Variants in RAI1 observed in about 807,000 individuals in gnomAD.
RAI1 encodes the protein retinoic acid-induced protein 1.
A neutral mutation model predicts 123.8 loss-of-function variants in RAI1; 9 were observed. The observed-to-expected ratio is 0.07, with a 90% CI of 0.04 to 0.13. The LOEUF is 0.13. Among genes scored for constraint, RAI1 ranks in the 10% least tolerant of loss-of-function variants. RAI1 has a pLI of 1.00. For synonymous variants in RAI1, 1,231 were observed against 1,127.3 expected (o/e 1.09, Z -1.84); for missense variants, 2,256 against 2,545.8 (o/e 0.89, Z 2.45).
chr17:17,725,631 AG>A (rs1373391441), intron 2 of RAI1, among the ~76,000 whole-genome samples: 1 of 152,042 alleles, frequency 6.6e-6, no homozygotes, highest in Non-Finnish European at 1.5e-5. Context: ...GAGGTGGAAG[AG>A]CGAAGGGCTA....
rs529273846 is a variant in RAI1, at chr17:17,801,312, C to A, written c.5566-2444C>A. ...TAGGTGGTGTCTGCAGAGGCCCCAC[C>A]TGTGGCAGGGTTTACATGCCGCCAC... On this transcript the variant is annotated intron_variant, in intron 3 of 5. Transcript: ENST00000353383. The surrounding 1 kb of genome is among the most constrained non-coding windows in gnomAD (Gnocchi z 4.1). 2.0e-5 allele frequency among the ~76,000 whole-genome samples: 3 copies of A among 152,258 alleles called. No homozygotes were observed. The highest frequency in any genetic ancestry group is 7.2e-5 in the African/African-American group (3 of 41,542).
Position 17,798,395 on chromosome 17 carries a change from G to C in RAI1, c.5447G>C (p.Gly1816Ala). ...ECSKEAPAEP[G>A]GEAQEHWVHE... ...AGCAAGGAGGCTCCGGCAGAGCCCG[G>C]CGGGGAGGCCCAGGAGCACTGGGTG... Residue 1816 changes from glycine (G) to alanine (A), a missense_variant, in exon 3 of 6, where the codon GGC becomes GCC. This residue lies in a region of RAI1 where 243 missense variants were observed against 316.6 expected (regional missense o/e 0.77). Coordinates refer to ENST00000353383, the MANE Select transcript of RAI1 (RefSeq NM_030665.4). 1 of 1,610,302 alleles carries C rather than the reference G, an allele frequency of 6.2e-7. No homozygotes were observed. Among genetic ancestry groups the C allele is most frequent in the Non-Finnish European group, 8.5e-7 (1 of 1,178,900 alleles).
intron 2 of RAI1, among the ~76,000 whole-genome samples, chr17:17,787,185 A>G (rs1028115275): frequency 6.6e-6 from 1 of 152,212 alleles, no homozygotes; most frequent in South Asian, 2.1e-4. Flanking sequence ...TGTGGGTCCC[A>G]TCTGACCCCT....
chr17:17,793,589 A>G lies in RAI1; in HGVS notation c.641A>G (p.Gln214Arg). The change falls in exon 3 of 6, where the codon CAG becomes CGG. Residue 214 changes from glutamine to arginine, a missense_variant. By Grantham distance (43) the Gln-to-Arg change is conservative (BLOSUM62 1). Coordinates refer to ENST00000353383, the MANE Select transcript of RAI1 (RefSeq NM_030665.4). ...GGTACCCACTTTCCTCAGCATTCCC[A>G]GTCCTTCCCCACCTCCTCCACCTAC... ...PQGTHFPQHS[Q>R]SFPTSSTYSS... is the part of the protein sequence containing the mutation. 1 of 1,613,538 alleles carries G rather than the reference A, an allele frequency of 6.2e-7. No individual in the cohort carries two copies. Among genetic ancestry groups the G allele is most frequent in the Non-Finnish European group, 8.5e-7 (1 of 1,179,904 alleles).
rs2032087603 is a variant in RAI1, at chr17:17,793,213, C to G, written c.265C>G (p.Gln89Glu). The G allele has an allele frequency of 1.9e-6, 3 of 1,612,288 alleles. No homozygotes were observed. The highest frequency in any genetic ancestry group is 1.7e-4 in the Middle Eastern group (1 of 6,046). ...AGGCAGCAAGGCCCTGCCCACACAG[C>G]AAGGCCTGCAGGGGAGGCCGGCTTT... ...HRGSKALPTQ[Q>E]GLQGRPAFPG... Residue 89 changes from glutamine to glutamate, a missense_variant, in exon 3 of 6, where the codon CAA (glutamine) becomes GAA (glutamate). Physicochemically the swap from Gln to Glu is conservative, Grantham distance 29 (BLOSUM62 2). Around this residue, in one of 7 missense-constraint regions of RAI1, gnomAD observed 336 missense variants for 349.8 expected, o/e 0.96. Coordinates refer to ENST00000353383, the MANE Select transcript of RAI1 (RefSeq NM_030665.4).
At chr17:17,775,313 C>T (rs928906296) in intron 2 of RAI1, among the ~76,000 whole-genome samples, 3 of 151,378 alleles carry the variant, frequency 2.0e-5, no homozygotes, top group African/African-American at 7.3e-5. Context: ...AGGTGATCCT[C>T]CCAGCTCAGC....
chr17:17,780,516 C>T (rs2031534310), intron 2 of RAI1, among the ~76,000 whole-genome samples: 1 of 152,228 alleles, frequency 6.6e-6, no homozygotes, highest in South Asian at 2.1e-4. Context: ...TCCCACCCCT[C>T]AGGGCCTAGG....
chr17:17,692,551 G>A (rs948349655), intron 1 of RAI1, among the ~76,000 whole-genome samples: 3 of 152,194 alleles, frequency 2.0e-5, no homozygotes, highest in African/African-American at 4.8e-5. Flanking sequence ...AATCACATCC[G>A]CAGGCTCCAA....
At chr17:17,767,271 G>A (rs1242789929) in intron 2 of RAI1, among the ~76,000 whole-genome samples, 1 of 152,200 alleles carries the variant, frequency 6.6e-6, no homozygotes, top group Non-Finnish European at 1.5e-5. Flanking sequence ...ATTGTGTTAT[G>A]CTCTGGATCT....
rs746701953 is a variant in RAI1 at position 17,795,401 on chromosome 17, TGAA to T, written c.2455_2457del (p.Lys819del). ...TTCAAGCAGGAGGAGGTGGGTGGGGTGAAGGAGGAGGCAGGTGGGCTGCTGCAG... is the reference window on the plus strand; with the variant it reads ...TTCAAGCAGGAGGAGGTGGGTGGGGTGGAGGAGGCAGGTGGGCTGCTGCAG... On this transcript the variant is annotated inframe_deletion, in exon 3 of 6. Transcript: ENST00000353383. This position sits in a 1 kb window ranked among gnomAD's most constrained non-coding sequence, Gnocchi z 5.9. The T allele has an allele frequency of 1.9e-6, 3 of 1,588,636 alleles. No homozygotes were observed. Among genetic ancestry groups the T allele is most frequent in the African/African-American group, 1.4e-5 (1 of 74,072 alleles).
At chr17:17,686,790 T>C (rs1383136445) in intron 1 of RAI1, among the ~76,000 whole-genome samples, 2 of 151,304 alleles carry the variant, frequency 1.3e-5, no homozygotes, top group African/African-American at 2.4e-5. Context: ...AGAGTGTGCT[T>C]AGGGCCAGGA....
chr17:17,759,135 C>G (rs1331919857), intron 2 of RAI1: 3 of 152,224 alleles, frequency 2.0e-5, no homozygotes, highest in African/African-American at 7.2e-5. Flanking sequence ...GGGAGGCTGG[C>G]TGCTCTCTGC....
intron 2 of RAI1, among the ~76,000 whole-genome samples, chr17:17,790,532 C>T (rs1261712645): frequency 6.6e-6 from 1 of 152,052 alleles, no homozygotes; most frequent in Non-Finnish European, 1.5e-5. Context: ...GACGGACAGG[C>T]AGGGAGGGGG....
intron 1 of RAI1, among the ~76,000 whole-genome samples, chr17:17,690,456 T>C (rs1368549827): frequency 6.6e-6 from 1 of 151,680 alleles, no homozygotes; most frequent in African/African-American, 2.4e-5. Context: ...GATTGAGGAC[T>C]CCTCACCAGC....
intron 1 of RAI1, among the ~76,000 whole-genome samples, chr17:17,701,114 C>T (rs1398585532): frequency 6.6e-6 from 1 of 152,144 alleles, no homozygotes; most frequent in African/African-American, 2.4e-5. Context: ...GAGCCCCTGT[C>T]CTCCTGGGAT....
At position 17,796,621 on chromosome 17, in the gene RAI1, A is replaced by G. The variant is rs1018526230; in HGVS notation, c.3673A>G (p.Lys1225Glu). ...CCGGCCCCTCCATGCGCTCAAAAGG[A>G]AGTCGGCCTTCATGGCGCCGGTCCC... Reference protein sequence around the residue: ...SDRPLHALKRKSAFMAPVPTK... With the variant: ...SDRPLHALKRESAFMAPVPTK... Residue 1225 changes from lysine (K) to glutamate (E), a missense_variant, in exon 3 of 6, where the codon AAG (lysine) becomes GAG (glutamate). Physicochemically the swap from Lys to Glu is moderately conservative, Grantham distance 56. Transcript: ENST00000353383. This position sits in a 1 kb window ranked among gnomAD's most constrained non-coding sequence, Gnocchi z 5.8. The G allele has an allele frequency of 6.2e-7, 1 of 1,612,096 alleles. No homozygotes were observed. The highest frequency in any genetic ancestry group is 1.1e-5 in the South Asian group (1 of 91,062).
chr17:17,720,216 A>C (rs1915836844), intron 1 of RAI1, among the ~76,000 whole-genome samples: 1 of 152,118 alleles, frequency 6.6e-6, no homozygotes, highest in Non-Finnish European at 1.5e-5. Flanking sequence ...CTGGACACAC[A>C]CTTGCATGAA....
rs1394856607 is a variant in RAI1, at chr17:17,685,305, T to C, written c.-149+3512T>C. Among the ~76,000 whole-genome samples, 1 of 152,220 alleles carries C rather than the reference T, an allele frequency of 6.6e-6. No individual in the cohort carries two copies. Among genetic ancestry groups the C allele is most frequent in the Non-Finnish European group, 1.5e-5 (1 of 68,038 alleles). On this transcript the variant is annotated intron_variant, in intron 1 of 5. Transcript: ENST00000353383. The surrounding 1 kb of genome is among the most constrained non-coding windows in gnomAD (Gnocchi z 4.0). ...ACTGTTTCCAAAGTTCTGTGCTTAATGTCGGGGTCCAAGCAGGAAGCATCC... is the reference window on the plus strand; with the variant it reads ...ACTGTTTCCAAAGTTCTGTGCTTAACGTCGGGGTCCAAGCAGGAAGCATCC...
chr17:17,803,951 CTT>C, intron 4 of RAI1, 102 bp downstream of exon 4: 1 of 1,105,932 alleles, frequency 9.0e-7, no homozygotes, highest in South Asian at 1.3e-5. Context: ...CCATCTCACT[CTT>C]CAGTTTCCCT....
Sources: allele counts gnomAD v4.1 joint callset (sites outside exome capture counted in the v4.1 genomes callset), GRCh38; gene constraint gnomAD v4.1.1; regional missense constraint gnomAD v4.1.1; non-coding constraint Gnocchi (gnomAD v3.1); transcripts MANE v1.5; gene names NCBI Gene and HGNC (gene_info 2026-07-23, HGNC 2026-07-21).